Variants in KIF26B observed in about 807,000 individuals in gnomAD.
KIF26B encodes kinesin-like protein KIF26B.
In KIF26B, 63 loss-of-function variants were observed where a neutral mutation model predicts 151.2. The observed-to-expected ratio is 0.42, with a 90% confidence interval of 0.34 to 0.51. The LOEUF is 0.51. KIF26B is among the 20% of genes least tolerant of loss of function. KIF26B has a pLI of 0.07. For synonymous variants in KIF26B, 1,357 were observed against 1,262.1 expected (o/e 1.08, Z -1.59); for missense variants, 2,813 against 2,913.6 (o/e 0.97, Z 0.79).
At chr1:245,278,933 C>A (rs1287121413) in intron 2 of KIF26B, among the ~76,000 whole-genome samples, 1 of 152,178 alleles carries the variant, frequency 6.6e-6, no homozygotes, top group African/African-American at 2.4e-5. Context: ...ATGAATGAAT[C>A]AATTTCAAAA....
intron 2 of KIF26B, among the ~76,000 whole-genome samples, chr1:245,325,346 T>G (rs1671968959): frequency 6.6e-6 from 1 of 152,234 alleles, no homozygotes; most frequent in Non-Finnish European, 1.5e-5. Context: ...CGTCATTTGT[T>G]GACTTTAGCT....
intron 2 of KIF26B, among the ~76,000 whole-genome samples, chr1:245,230,109 G>C (rs1003296242): frequency 6.7e-6 from 1 of 148,844 alleles, no homozygotes; most frequent in Non-Finnish European, 1.5e-5. Context: ...CTCCAGCCTG[G>C]GCGATAGAGC....
rs140422591 is a variant in KIF26B at position 245,676,974 on chromosome 1, C to T, written c.2259-7259C>T. 2.4e-3 allele frequency among the ~76,000 whole-genome samples: 371 copies of T among 152,254 alleles called. 1 individual carries two copies. Among genetic ancestry groups the T allele is most frequent in the Middle Eastern group, 6.8e-3 (2 of 294 alleles). On this transcript the variant is annotated intron_variant, in intron 10 of 14. Transcript: ENST00000407071. ...GACCAGGATGGTGTCGGGAAGAACGCGTCTCTCCCACGCATTATCCTGCCT... is the reference window on the plus strand; with the variant it reads ...GACCAGGATGGTGTCGGGAAGAACGTGTCTCTCCCACGCATTATCCTGCCT...
chr1:245,575,985 C>T (rs1465909902), intron 5 of KIF26B, among the ~76,000 whole-genome samples: 4 of 152,100 alleles, frequency 2.6e-5, no homozygotes, highest in Non-Finnish European at 5.9e-5. Context: ...CACCTCCCAC[C>T]CACCATGCCT....
rs66498609 is a variant in KIF26B at position 245,267,634 on chromosome 1, GCACACACACACACACACACACACACA to G, written c.466-99175_466-99150del. Among the ~76,000 whole-genome samples, 651 of 136,338 alleles carry G rather than the reference GCACACACACACACACACACACACACA, an allele frequency of 4.8e-3. 9 individuals carry two copies. Among genetic ancestry groups the G allele is most frequent in the African/African-American group, 0.016 (587 of 36,938 alleles). 89.4% of individuals were successfully genotyped at this position (136,338 alleles called of 152,430 possible). A position where few individuals can be genotyped will look rare whatever the true frequency, so the allele number is the denominator to read the frequency against. On this transcript the variant is annotated intron_variant, in intron 2 of 14. Transcript: ENST00000407071. ...ATACTACTGGCGACAGCTAAGTAATGCACACACACACACACACACACACACACACACACACACACACACACACACAA... is the reference window on the plus strand; with the variant it reads ...ATACTACTGGCGACAGCTAAGTAATGCACACACACACACACACACACACAA...
At chr1:245,672,241 A>C (rs2044296724) in intron 10 of KIF26B, among the ~76,000 whole-genome samples, 1 of 152,036 alleles carries the variant, frequency 6.6e-6, no homozygotes, top group Non-Finnish European at 1.5e-5. Context: ...TCCCCAACTG[A>C]GTGCTGGAAA....
At chr1:245,249,477 A>C (rs1466706278) in intron 2 of KIF26B, among the ~76,000 whole-genome samples, 4 of 143,828 alleles carry the variant, frequency 2.8e-5, no homozygotes, top group Non-Finnish European at 6.0e-5. Flanking sequence ...GTTTGTGCAT[A>C]TGTGTTAATC....
rs1382040688 is a variant in KIF26B, at chr1:245,612,052, CTTTGTGTG to C, written c.2098+78_2098+85del. 6 of 1,031,896 alleles carry C rather than the reference CTTTGTGTG, an allele frequency of 5.8e-6. No homozygotes were observed. In the African/African-American group the frequency reaches 1.1e-4, roughly 19 times the overall value. The allele number at this position is 1,031,896 out of a possible 1,614,324, so 63.9% of individuals were successfully genotyped here. The stretch of plus-strand genomic sequence containing the variant: ...CAGAAATCCCTTGGGCAACCATGAC[CTTTGTGTG>C]TGTGTGTGTGTGTGTGTGTGTGTGT... On this transcript the variant is annotated intron_variant, in intron 9 of 14. Transcript: ENST00000407071.
At chr1:245,532,828 C>T (rs1377829155) in intron 4 of KIF26B, among the ~76,000 whole-genome samples, 1 of 152,144 alleles carries the variant, frequency 6.6e-6, no homozygotes, top group Non-Finnish European at 1.5e-5. Context: ...AATGACCTCC[C>T]TGACAGCCAA....
At chr1:245,333,243 T>C (rs1390582414) in intron 2 of KIF26B, among the ~76,000 whole-genome samples, 2 of 152,184 alleles carry the variant, frequency 1.3e-5, no homozygotes, top group African/African-American at 2.4e-5. Flanking sequence ...CTACATACAA[T>C]AGAATGTTGT....
chr1:245,337,357 G>T (rs1219057498), intron 2 of KIF26B, among the ~76,000 whole-genome samples: 1 of 151,538 alleles, frequency 6.6e-6, no homozygotes, highest in East Asian at 1.9e-4. Context: ...TTTTAAGTAG[G>T]GGTGGCGGGG....
intron 2 of KIF26B, among the ~76,000 whole-genome samples, chr1:245,313,344 G>A (rs1214798730): frequency 1.3e-5 from 2 of 152,198 alleles, no homozygotes; most frequent in African/African-American, 4.8e-5. Context: ...ATGTCAGCAG[G>A]ACTTAGGGTG....
intron 2 of KIF26B, among the ~76,000 whole-genome samples, chr1:245,350,019 T>C (rs1223782564): frequency 6.6e-6 from 1 of 151,908 alleles, no homozygotes; most frequent in Non-Finnish European, 1.5e-5. Flanking sequence ...TCATTGGGAG[T>C]ACAAAAAAGT....
intron 9 of KIF26B, among the ~76,000 whole-genome samples, chr1:245,636,860 T>TTGTG (rs34722448): frequency 0.059 from 8,831 of 149,228 alleles, 308 homozygotes; most frequent in East Asian, 0.13. Flanking sequence ...TAATATTCCA[T>TTGTG]TGTGTGTGTG....
chr1:245,615,596 T>G (rs1336101912), intron 9 of KIF26B, among the ~76,000 whole-genome samples: 1 of 152,180 alleles, frequency 6.6e-6, no homozygotes, highest in Non-Finnish European at 1.5e-5. Flanking sequence ...TTCTTCCTAT[T>G]TTTAAGTTGT....
At chr1:245,373,405 C>T (rs73134812) in intron 3 of KIF26B, among the ~76,000 whole-genome samples, 7,207 of 152,216 alleles carry the variant, frequency 0.047, 596 homozygotes, top group African/African-American at 0.16. Flanking sequence ...GAAAGAACCT[C>T]GCTGGCATTT....
Position 245,235,582 on chromosome 1 carries a change from C to T in KIF26B, c.465+78899C>T, listed in dbSNP as rs373423250. ...CACTCGAGCTTGGGTGACAGAGACT[C>T]TGGAAACAAAGAAAAGAAAAGAAAG... is the stretch of plus-strand genomic sequence containing the variant. On this transcript the variant is annotated intron_variant, in intron 2 of 14. Coordinates refer to ENST00000407071, the MANE Select transcript of KIF26B (RefSeq NM_018012.4). 1.6e-3 allele frequency among the ~76,000 whole-genome samples: 241 copies of T among 150,992 alleles called. 2 individuals are homozygous for T. The highest frequency in any genetic ancestry group is 5.6e-3 in the African/African-American group (230 of 40,954).
At chr1:245,588,672 T>C (rs970839636) in intron 5 of KIF26B, among the ~76,000 whole-genome samples, 1 of 152,222 alleles carries the variant, frequency 6.6e-6, no homozygotes, top group Non-Finnish European at 1.5e-5. Flanking sequence ...AAGGAACTCT[T>C]ACGTGGAAAT....
rs150807103 is a variant in KIF26B, at chr1:245,463,672, G to A, written c.1166+43927G>A. Among the ~76,000 whole-genome samples, 106 of 152,302 alleles carry A rather than the reference G, an allele frequency of 7.0e-4. 1 individual carries two copies. In the East Asian group the frequency reaches 0.019, roughly 27 times the overall value. On this transcript the variant is annotated intron_variant, in intron 4 of 14. Coordinates refer to ENST00000407071, the MANE Select transcript of KIF26B (RefSeq NM_018012.4). ...AGTCCCGCCTATTGCCTGCTGTCCT[G>A]TGGTGCAGCTGCTGTTTGTCCATCT...
Sources: gnomAD v4.1 joint callset for allele counts (sites outside exome capture counted in the v4.1 genomes callset) on GRCh38, gnomAD v4.1.1 for gene constraint, MANE v1.5 for transcripts, NCBI Gene and HGNC (gene_info 2026-07-23, HGNC 2026-07-21) for gene names.